The following NFATC1 variants were observed in gnomAD, a reference collection of about 807,000 sequenced individuals.
NFATC1 encodes the protein nuclear factor of activated T cells 1.
In NFATC1, 22 loss-of-function variants were observed where a neutral mutation model predicts 76.0. That is an observed-to-expected ratio of 0.29 (90% CI 0.21 to 0.41). The LOEUF is 0.41. Among genes scored for constraint, NFATC1 ranks in the 10% least tolerant of loss-of-function variants. NFATC1 has a pLI of 1.00. For synonymous variants in NFATC1, 704 were observed against 613.1 expected (o/e 1.15, Z -2.19); for missense variants, 1,357 against 1,337.7 (o/e 1.01, Z -0.23).
chr18:79,405,426 A>T (rs978745239), intron 1 of NFATC1, among the ~76,000 whole-genome samples: 3 of 152,268 alleles, frequency 2.0e-5, no homozygotes, highest in African/African-American at 7.2e-5. Flanking sequence ...CAAGAAAGTT[A>T]CTGGGAATAT....
At chr18:79,420,294 G>A (rs1440945494) in intron 2 of NFATC1, among the ~76,000 whole-genome samples, 1 of 150,946 alleles carries the variant, frequency 6.6e-6, no homozygotes. Flanking sequence ...GCTGCAGAGA[G>A]GAAGAGGGGG....
chr18:79,411,613 G>GGA, intron 2 of NFATC1, 112 bp downstream of exon 2: 1 of 892,668 alleles, frequency 1.1e-6, no homozygotes, highest in Non-Finnish European at 1.4e-6. Flanking sequence ...GGGGACGAGA[G>GGA]TCAGGACCTG....
At chr18:79,432,167 C>T (rs576014171) in intron 2 of NFATC1, among the ~76,000 whole-genome samples, 1 of 152,366 alleles carries the variant, frequency 6.6e-6, no homozygotes, top group East Asian at 1.9e-4. Flanking sequence ...TCCCATGTCT[C>T]TGGGGCTTGT....
At chr18:79,469,491 G>A in intron 8 of NFATC1, 1 of 985,446 alleles carries the variant, frequency 1.0e-6, no homozygotes, top group Non-Finnish European at 1.2e-6. Flanking sequence ...AGCCGCTCCT[G>A]CTACCTCCAG....
At chr18:79,430,284 T>C (rs2086546056) in intron 2 of NFATC1, among the ~76,000 whole-genome samples, 2 of 152,178 alleles carry the variant, frequency 1.3e-5, no homozygotes, top group African/African-American at 4.8e-5. Context: ...GGCTTTTCTT[T>C]TCTTCTTTCC....
At chr18:79,429,056 AC>A (rs1484576776) in intron 2 of NFATC1, among the ~76,000 whole-genome samples, 1 of 152,064 alleles carries the variant, frequency 6.6e-6, no homozygotes, top group Non-Finnish European at 1.5e-5. Context: ...CTGTGTCTCT[AC>A]TAAAAATACA....
intron 3 of NFATC1, among the ~76,000 whole-genome samples, chr18:79,439,918 A>G (rs1200883714): frequency 6.6e-6 from 1 of 152,224 alleles, no homozygotes; most frequent in East Asian, 1.9e-4. Flanking sequence ...CACTGCTTAA[A>G]AACAGTAATG....
intron 8 of NFATC1, chr18:79,469,879 C>T (rs2088704981): frequency 1.0e-6 from 1 of 985,364 alleles, no homozygotes; most frequent in Non-Finnish European, 1.2e-6. Context: ...GCTGCGACCG[C>T]AACCTGCACC....
chr18:79,523,134 C>T (rs1251394144), intron 9 of NFATC1, among the ~76,000 whole-genome samples: 7 of 152,220 alleles, frequency 4.6e-5, no homozygotes, highest in African/African-American at 1.7e-4. Context: ...AGCAGGTGCA[C>T]AAAGGGCCAG....
At chr18:79,401,218 C>T (rs942417875) in intron 1 of NFATC1, among the ~76,000 whole-genome samples, 4 of 151,412 alleles carry the variant, frequency 2.6e-5, no homozygotes, top group Non-Finnish European at 4.4e-5. Flanking sequence ...GGTCACCGTC[C>T]GCCCCTGTCT....
At chr18:79,431,755 T>A (rs2086596275) in intron 2 of NFATC1, among the ~76,000 whole-genome samples, 1 of 151,836 alleles carries the variant, frequency 6.6e-6, no homozygotes, top group Non-Finnish European at 1.5e-5. Context: ...AAGGCTGGAG[T>A]GCAGTGGCGC....
Position 79,410,233 on chromosome 18 carries a change from C to T in NFATC1, c.128-170C>T, listed in dbSNP as rs1282931431. 4.4e-6 allele frequency: 5 copies of T among 1,126,514 alleles called. No individual in the cohort carries two copies. The highest frequency in any genetic ancestry group is 6.4e-6 in the Non-Finnish European group (5 of 780,616). 69.8% of individuals were successfully genotyped at this position (1,126,514 alleles called of 1,614,324 possible). A position where few individuals can be genotyped will look rare whatever the true frequency, so the allele number is the denominator to read the frequency against. ...GCCAGGTGGGACTGGGGCTGTCACTCCAAGTCGCCCGGAGCTGTCCGGCAG... is the reference window on the plus strand; with the variant it reads ...GCCAGGTGGGACTGGGGCTGTCACTTCAAGTCGCCCGGAGCTGTCCGGCAG... On this transcript the variant is annotated intron_variant, in intron 1 of 9. Transcript: ENST00000427363. The surrounding 1 kb of genome is among the most constrained non-coding windows in gnomAD (Gnocchi z 6.7).
At chr18:79,427,140 A>C (rs2086369052) in intron 2 of NFATC1, among the ~76,000 whole-genome samples, 1 of 152,190 alleles carries the variant, frequency 6.6e-6, no homozygotes, top group Admixed American at 6.5e-5. Context: ...CCGGGGCTGC[A>C]GCCCTTCGTG....
chr18:79,433,554 C>T, intron 2 of NFATC1, 25 bp from the exon 3 acceptor site: 1 of 1,612,372 alleles, frequency 6.2e-7, no homozygotes, highest in Non-Finnish European at 8.5e-7. Context: ...GTGCTGAACG[C>T]CTCCTCTGCT....
chr18:79,396,756 A>G (rs2085019026), intron 1 of NFATC1, among the ~76,000 whole-genome samples: 1 of 151,666 alleles, frequency 6.6e-6, no homozygotes, highest in African/African-American at 2.4e-5. Flanking sequence ...AGCGAGGCAG[A>G]GCCACCCTCT....
intron 9 of NFATC1, among the ~76,000 whole-genome samples, chr18:79,519,554 G>A (rs1343314919): frequency 6.6e-6 from 1 of 152,144 alleles, no homozygotes; most frequent in South Asian, 2.1e-4. Flanking sequence ...GCCCAGGCTG[G>A]TCTTGAACTT....
At position 79,410,689 on chromosome 18, in the gene NFATC1, T is replaced by C. The variant is rs1192820902; in HGVS notation, c.414T>C (p.Asp138=). The C allele has an allele frequency of 6.2e-7, 1 of 1,613,012 alleles. No homozygotes were observed. Among genetic ancestry groups the C allele is most frequent in the Non-Finnish European group, 8.5e-7 (1 of 1,179,992 alleles). The change falls in exon 2 of 10, where the codon GAT becomes GAC. Residue 138 remains aspartate (D), a synonymous_variant. Coordinates refer to ENST00000427363, the MANE Select transcript of NFATC1 (RefSeq NM_001278669.2). The surrounding 1 kb of genome is among the most constrained non-coding windows in gnomAD (Gnocchi z 6.7). ...LYHNNNQFFH[D]VEVEDVLPSS... ...ACAACAATAACCAGTTTTTCCACGA[T>C]GTGGAGGTGGAAGACGTCCTCCCTA...
intron 9 of NFATC1, among the ~76,000 whole-genome samples, chr18:79,509,943 G>A (rs974928957): frequency 3.3e-5 from 5 of 152,228 alleles, no homozygotes; most frequent in Non-Finnish European, 7.3e-5. Flanking sequence ...TCCATTTAAA[G>A]TTAACCACTC....
At chr18:79,508,016 C>T (rs971838638) in intron 9 of NFATC1, among the ~76,000 whole-genome samples, 1 of 152,234 alleles carries the variant, frequency 6.6e-6, no homozygotes, top group African/African-American at 2.4e-5. Context: ...TGTAAACTAC[C>T]GTATATCACT....
Sources: gnomAD v4.1 joint callset for allele counts (sites outside exome capture counted in the v4.1 genomes callset) on GRCh38, gnomAD v4.1.1 for gene constraint, Gnocchi (gnomAD v3.1) non-coding constraint, MANE v1.5 for transcripts, NCBI Gene and HGNC (gene_info 2026-07-23, HGNC 2026-07-21) for gene names.